The following ZBTB7A variants were observed in gnomAD, a reference collection of about 807,000 sequenced individuals.
ZBTB7A encodes the protein zinc finger and BTB domain containing 7A, also known as zinc finger and BTB domain-containing protein 7A.
A neutral mutation model predicts 26.7 loss-of-function variants in ZBTB7A; 7 were observed. The ratio of observed to expected loss-of-function variants is 0.26; its 90% CI spans 0.15 to 0.49. The LOEUF (loss-of-function observed/expected upper bound fraction) is 0.49. Ranked by LOEUF, ZBTB7A falls within the 20% of genes least tolerant of loss-of-function variation. ZBTB7A has a pLI of 0.98. For synonymous variants in ZBTB7A, 452 were observed against 441.0 expected, an observed-to-expected ratio of 1.02 and a Z score of -0.31; for missense variants, 617 against 919.5, an observed-to-expected ratio of 0.67 and a Z score of 4.25.
intron 1 of ZBTB7A, among the ~76,000 whole-genome samples, chr19:4,056,617 C>A (rs897713079): frequency 3.9e-5 from 6 of 152,138 alleles, no homozygotes; most frequent in Non-Finnish European, 5.9e-5. Flanking sequence ...CACCTGTAAT[C>A]CCAGCACTTT....
intron 1 of ZBTB7A, among the ~76,000 whole-genome samples, chr19:4,058,929 C>T (rs963402272): frequency 1.3e-5 from 2 of 152,336 alleles, no homozygotes; most frequent in East Asian, 3.9e-4. Context: ...CTCAGCACCC[C>T]CGTCTACTCT....
At chr19:4,049,289 G>C (rs1370293836) in intron 2 of ZBTB7A, among the ~76,000 whole-genome samples, 1 of 143,456 alleles carries the variant, frequency 7.0e-6, no homozygotes, top group Non-Finnish European at 1.5e-5. Flanking sequence ...CTCTTGCCTC[G>C]GCCTCTCAAA....
intron 2 of ZBTB7A, among the ~76,000 whole-genome samples, chr19:4,049,168 G>GTATATATATATATATATA (rs1181215162): frequency 6.7e-5 from 1 of 14,948 alleles, no homozygotes; most frequent in Non-Finnish European, 1.2e-4. Context: ...GTGTGTGTGT[G>GTATATATATATATATATA]TATATATATA....
rs530069481 is a variant in ZBTB7A at position 4,054,236 on chromosome 19, C to T, written c.997G>A (p.Ala333Thr). The change falls in exon 2 of 3, where the codon GCG becomes ACG. Residue 333 changes from alanine to threonine, a missense_variant. Physicochemically the swap from Ala to Thr is moderately conservative, Grantham distance 58. Around this residue, in one of 5 missense-constraint regions of ZBTB7A, gnomAD observed 331 missense variants for 391.3 expected, o/e 0.85. Transcript: ENST00000322357. ...MMSSVGRAGA[A>T]AGDSDEESRA... The stretch of plus-strand genomic sequence containing the variant: ...GACTCCTCGTCGCTGTCCCCCGCCG[C>T]GGCCCCCGCCCGGCCCACCGATGAC... 1.3e-5 allele frequency: 20 copies of T among 1,581,892 alleles called. No individual in the cohort carries two copies. In the East Asian group the frequency reaches 3.2e-4, roughly 25 times the overall value.
chr19:4,058,100 T>C (rs1245918261), intron 1 of ZBTB7A, among the ~76,000 whole-genome samples: 1 of 152,142 alleles, frequency 6.6e-6, no homozygotes, highest in East Asian at 1.9e-4. Context: ...CCACCGTGGG[T>C]GTGCCCCGTC....
chr19:4,064,330 C>A lies in ZBTB7A; in HGVS notation c.-16+2352G>T, dbSNP rs528700414. ...TTTTCCAGCGGCCGGCTCCTGCCCCCCCTTCTCCCCCAAGCTCTGTCTCCA... is the reference window on the plus strand; with the variant it reads ...TTTTCCAGCGGCCGGCTCCTGCCCCACCTTCTCCCCCAAGCTCTGTCTCCA... On this transcript the variant is annotated intron_variant, in intron 1 of 2. Transcript: ENST00000322357. 4.0e-4 allele frequency among the ~76,000 whole-genome samples: 61 copies of A among 152,368 alleles called. 2 individuals are homozygous for A. In the South Asian group the frequency reaches 0.011, roughly 27 times the overall value.
At chr19:4,053,512 TGTGCGTGC>T (rs71166953) in intron 2 of ZBTB7A, among the ~76,000 whole-genome samples, 17 of 134,168 alleles carry the variant, frequency 1.3e-4, no homozygotes, top group African/African-American at 1.6e-4. Context: ...GGTGTGCGTG[TGTGCGTGC>T]GTGCGTGCGT....
intron 1 of ZBTB7A, among the ~76,000 whole-genome samples, chr19:4,063,825 C>G (rs2040663559): frequency 6.6e-6 from 1 of 151,596 alleles, no homozygotes; most frequent in African/African-American, 2.4e-5. Flanking sequence ...TCCCCCTACG[C>G]TTCAGTCTCC....
Position 4,047,758 on chromosome 19 carries a change from G to A in ZBTB7A, c.1749C>T (p.Leu583=), listed in dbSNP as rs2040440540. 2 of 1,595,326 alleles carry A rather than the reference G, an allele frequency of 1.3e-6. No homozygotes were observed. Among genetic ancestry groups the A allele is most frequent in the Non-Finnish European group, 1.7e-6 (2 of 1,171,940 alleles). ...AATDGNFTAG[L]A The stretch of plus-strand genomic sequence containing the variant: ...TGTTTTCTCTTTTTGGTTTTTAGGC[G>A]AGTCCGGCTGTGAAGTTACCGTCGG... The change falls in exon 3 of 3, where the codon CTC becomes CTT. Residue 583 remains leucine (L), a synonymous_variant. Coordinates refer to ENST00000322357, the MANE Select transcript of ZBTB7A (RefSeq NM_015898.4).
At chr19:4,049,547 C>A (rs1167253576) in intron 2 of ZBTB7A, among the ~76,000 whole-genome samples, 1 of 152,134 alleles carries the variant, frequency 6.6e-6, no homozygotes, top group African/African-American at 2.4e-5. Context: ...CCTCTCGAGG[C>A]TGGCGGCGGC....
rs955370199 is a variant in ZBTB7A at position 4,048,633 on chromosome 19, C to T, written c.1263-389G>A. 1.3e-4 allele frequency among the ~76,000 whole-genome samples: 19 copies of T among 151,862 alleles called. No homozygotes were observed. The highest frequency in any genetic ancestry group is 3.4e-3 in the Middle Eastern group (1 of 294). ...ATCACTTGAGGCCAGGAGTTCGAGA[C>T]CAGCCTGATCGACACGGTGAAACCC... On this transcript the variant is annotated intron_variant, in intron 2 of 2. Coordinates refer to ENST00000322357, the MANE Select transcript of ZBTB7A (RefSeq NM_015898.4). This position sits in a 1 kb window ranked among gnomAD's most constrained non-coding sequence, Gnocchi z 6.7.
chr19:4,065,045 G>A (rs1207356119), intron 1 of ZBTB7A, among the ~76,000 whole-genome samples: 1 of 151,788 alleles, frequency 6.6e-6, no homozygotes, highest in Non-Finnish European at 1.5e-5. Context: ...CCAGGCCGGG[G>A]GGGCTGGGTC....
chr19:4,054,310 C>A lies in ZBTB7A; in HGVS notation c.923G>T (p.Gly308Val). Residue 308 changes from glycine (G) to valine (V), a missense_variant, in exon 2 of 3, where the codon GGG becomes GTG. Coordinates refer to ENST00000322357, the MANE Select transcript of ZBTB7A (RefSeq NM_015898.4). Reference protein sequence around the residue: ...SGAAEGEDGDGPDVDGLAAST... With the variant: ...SGAAEGEDGDVPDVDGLAAST... ...GGCCGCCAGCCCGTCCACGTCGGGC[C>A]CGTCCCCGTCCTCGCCCTCGGCCGC... is the stretch of plus-strand genomic sequence containing the variant. 2.0e-6 allele frequency: 3 copies of A among 1,527,994 alleles called. No individual in the cohort carries two copies. The highest frequency in any genetic ancestry group is 2.6e-6 in the Non-Finnish European group (3 of 1,143,940). 94.7% of individuals were successfully genotyped at this position (1,527,994 alleles called of 1,614,324 possible).
rs2144962982 is a variant in ZBTB7A, at chr19:4,045,243, A to C, written c.*2509T>G. 1 of 151,944 alleles carries C rather than the reference A, an allele frequency of 6.6e-6. No homozygotes were observed. Among genetic ancestry groups the C allele is most frequent in the Admixed American group, 6.5e-5 (1 of 15,268 alleles). The allele number at this position is 151,944 out of a possible 1,614,324, so 9.4% of individuals were successfully genotyped here. A position where few individuals can be genotyped will look rare whatever the true frequency, so the allele number is the denominator to read the frequency against. Reference sequence around the variant, plus strand: ...TGATTTTAGAGTTGGTTTTATTGCGAGGGGGTGCATGGATAGGGGAAGGTG... The same window carrying C: ...TGATTTTAGAGTTGGTTTTATTGCGCGGGGGTGCATGGATAGGGGAAGGTG... On this transcript the variant is annotated 3_prime_UTR_variant, in exon 3 of 3. Transcript: ENST00000322357. The surrounding 1 kb of genome is among the most constrained non-coding windows in gnomAD (Gnocchi z 4.1).
intron 1 of ZBTB7A, among the ~76,000 whole-genome samples, chr19:4,057,258 G>C (rs976877666): frequency 2.6e-5 from 4 of 151,998 alleles, no homozygotes; most frequent in African/African-American, 4.8e-5. Context: ...TGAGGCAGGA[G>C]AATCGCTTGA....
rs1329917919 is a variant in ZBTB7A, at chr19:4,052,488, C to CTGCTGGGGAGGGGGCCGGGG, written c.1262+1463_1262+1482dup. Among the ~76,000 whole-genome samples, 1 of 151,848 alleles carries CTGCTGGGGAGGGGGCCGGGG rather than the reference C, an allele frequency of 6.6e-6. No individual in the cohort carries two copies. Among genetic ancestry groups the CTGCTGGGGAGGGGGCCGGGG allele is most frequent in the Admixed American group, 6.5e-5 (1 of 15,278 alleles). Reference sequence around the variant, plus strand: ...CCAGGCCGCACCTTCCTCTCCTGGCCTGCTGGGGAGGGGGCCGGGGTGCTG... The same window carrying CTGCTGGGGAGGGGGCCGGGG: ...CCAGGCCGCACCTTCCTCTCCTGGCCTGCTGGGGAGGGGGCCGGGGTGCTGGGGAGGGGGCCGGGGTGCTG... On this transcript the variant is annotated intron_variant, in intron 2 of 2. Coordinates refer to ENST00000322357, the MANE Select transcript of ZBTB7A (RefSeq NM_015898.4). This position sits in a 1 kb window ranked among gnomAD's most constrained non-coding sequence, Gnocchi z 4.9.
chr19:4,045,028 G>C lies in ZBTB7A; in HGVS notation c.*2724C>G, dbSNP rs1448068216. On this transcript the variant is annotated 3_prime_UTR_variant, in exon 3 of 3. Transcript: ENST00000322357. The surrounding 1 kb of genome is among the most constrained non-coding windows in gnomAD (Gnocchi z 4.1). ...ATGCAGAGGCTGTGGCCCCCAGGAC[G>C]GGCGGGTAGTTAAGGCAAAGTGGGC... The C allele has an allele frequency of 6.6e-6, 1 of 152,250 alleles. No individual in the cohort carries two copies. Among genetic ancestry groups the C allele is most frequent in the Non-Finnish European group, 1.5e-5 (1 of 68,088 alleles). 9.4% of individuals were successfully genotyped at this position (152,250 alleles called of 1,614,324 possible).
At position 4,043,715 on chromosome 19, in the gene ZBTB7A, GCCCGGCCCC is replaced by G. The variant is rs2040374415; in HGVS notation, c.*4028_*4036del. ...CTCCCTGGCCCCCTCCACCCCCTGG[GCCCGGCCCC>G]CCCCCCCCCCCCCCGTAAATCTATG... On this transcript the variant is annotated 3_prime_UTR_variant, in exon 3 of 3. Coordinates refer to ENST00000322357, the MANE Select transcript of ZBTB7A (RefSeq NM_015898.4). Among the ~76,000 whole-genome samples the G allele has an allele frequency of 2.4e-5, 1 of 41,208 alleles. No homozygotes were observed. The highest frequency in any genetic ancestry group is 1.2e-4 in the African/African-American group (1 of 8,050). 27.0% of individuals were successfully genotyped at this position (41,208 alleles called of 152,430 possible). A position where few individuals can be genotyped will look rare whatever the true frequency, so the allele number is the denominator to read the frequency against.
chr19:4,063,428 GA>G (rs2040659769), intron 1 of ZBTB7A, among the ~76,000 whole-genome samples: 1 of 152,204 alleles, frequency 6.6e-6, no homozygotes, highest in African/African-American at 2.4e-5. Context: ...CGCCTCTGAG[GA>G]CCAAGGTGAG....
Sources: allele counts gnomAD v4.1 joint callset (sites outside exome capture counted in the v4.1 genomes callset), GRCh38; gene constraint gnomAD v4.1.1; regional missense constraint gnomAD v4.1.1; non-coding constraint Gnocchi (gnomAD v3.1); transcripts MANE v1.5; gene names NCBI Gene and HGNC (gene_info 2026-07-23, HGNC 2026-07-21).